PLEKHA7: variants seen among roughly 807,000 people sequenced by gnomAD.
PLEKHA7 encodes pleckstrin homology domain containing A7, also known as pleckstrin homology domain-containing family A member 7.
PLEKHA7 carries 104 observed loss-of-function variants against 170.0 expected under a neutral mutation model. The observed-to-expected ratio is 0.61, with a 90% CI of 0.52 to 0.72. The LOEUF (loss-of-function observed/expected upper bound fraction) is 0.72, where lower values mean the gene tolerates loss of function less well. PLEKHA7 is among the 30% of genes least tolerant of loss of function. The pLI, the probability that PLEKHA7 is intolerant of heterozygous loss-of-function variation, is 0.00. For missense variants in PLEKHA7, 1,615 were observed against 1,671.7 expected, an observed-to-expected ratio of 0.97 and a Z score of 0.59; for synonymous variants, 648 against 660.8, an observed-to-expected ratio of 0.98 and a Z score of 0.30.
chr11:16,845,644 G>A (rs1852335071), intron 8 of PLEKHA7, among the ~76,000 whole-genome samples: 1 of 152,202 alleles, frequency 6.6e-6, no homozygotes, highest in South Asian at 2.1e-4. Flanking sequence ...TGAAATTACA[G>A]GCATGAGCCA....
At chr11:16,891,977 T>G (rs1299954849) in intron 3 of PLEKHA7, among the ~76,000 whole-genome samples, 2 of 152,126 alleles carry the variant, frequency 1.3e-5, no homozygotes, top group Non-Finnish European at 2.9e-5. Context: ...GTGGGTGGAG[T>G]CACTGGGAGG....
chr11:16,824,970 A>C (rs1461875432), intron 10 of PLEKHA7, among the ~76,000 whole-genome samples: 1 of 152,208 alleles, frequency 6.6e-6, no homozygotes, highest in Non-Finnish European at 1.5e-5. Context: ...AAGACACAAA[A>C]TGTGAACAAA....
chr11:16,861,856 G>A (rs757031071), intron 4 of PLEKHA7, among the ~76,000 whole-genome samples: 6 of 152,164 alleles, frequency 3.9e-5, no homozygotes, highest in Non-Finnish European at 7.3e-5. Flanking sequence ...AAAAGTAAAT[G>A]AGAAGAGGAC....
chr11:16,786,168 T>C (rs1849378055), intron 24 of PLEKHA7, 61 bp downstream of exon 24: 13 of 1,518,888 alleles, frequency 8.6e-6, no homozygotes, highest in Non-Finnish European at 1.1e-5. Flanking sequence ...GGAAGGTGGA[T>C]CAGGCTGGGA....
At chr11:17,010,048 A>G (rs181945460) in intron 3 of PLEKHA7, among the ~76,000 whole-genome samples, 205 of 152,324 alleles carry the variant, frequency 1.3e-3, no homozygotes, top group Middle Eastern at 6.8e-3. Context: ...TGCAGAAATC[A>G]AAACAAAAAT....
intron 17 of PLEKHA7, among the ~76,000 whole-genome samples, chr11:16,798,550 T>C (rs1484686866): frequency 6.6e-6 from 1 of 152,086 alleles, no homozygotes; most frequent in East Asian, 1.9e-4. Context: ...TGGCCAATAA[T>C]CATACGAATA....
chr11:16,911,731 A>G (rs901969093), intron 3 of PLEKHA7, among the ~76,000 whole-genome samples: 38 of 152,066 alleles, frequency 2.5e-4, no homozygotes, highest in African/African-American at 7.2e-4. Flanking sequence ...CTGAAAAGCC[A>G]TCCTCAATTC....
chr11:16,940,491 G>A lies in PLEKHA7; in HGVS notation c.222-69309C>T, dbSNP rs183095489. The stretch of plus-strand genomic sequence containing the variant: ...TTTTAGTACAGACGGGGTTCCACCA[G>A]ATTGGCTGCTGGTCTTGAACTCCTG... On this transcript the variant is annotated intron_variant, in intron 3 of 26. Coordinates refer to ENST00000531066, the MANE Select transcript of PLEKHA7 (RefSeq NM_001329630.2). Among the ~76,000 whole-genome samples, 12 of 151,852 alleles carry A rather than the reference G, an allele frequency of 7.9e-5. No individual in the cohort carries two copies. The East Asian group carries it at 2.3e-3, about 30-fold the overall frequency.
At chr11:16,856,948 A>G (rs1432154542) in intron 4 of PLEKHA7, among the ~76,000 whole-genome samples, 1 of 152,166 alleles carries the variant, frequency 6.6e-6, no homozygotes, top group Non-Finnish European at 1.5e-5. Context: ...AGTGGAGAAA[A>G]TCTGCTTTGG....
chr11:16,869,053 C>A (rs564572358), intron 4 of PLEKHA7, among the ~76,000 whole-genome samples: 1 of 152,314 alleles, frequency 6.6e-6, no homozygotes, highest in Admixed American at 6.5e-5. Context: ...GAGGACTGAA[C>A]TCAATAACCT....
chr11:16,792,931 G>C (rs774039153), intron 19 of PLEKHA7, among the ~76,000 whole-genome samples: 2 of 152,072 alleles, frequency 1.3e-5, no homozygotes, highest in African/African-American at 4.8e-5. Context: ...GCAGCACCAC[G>C]CCCATCTTAT....
chr11:16,946,217 A>G (rs1196049323), intron 3 of PLEKHA7, among the ~76,000 whole-genome samples: 1 of 152,136 alleles, frequency 6.6e-6, no homozygotes. Flanking sequence ...TGGCCAGGAG[A>G]GATGGCGTCC....
intron 17 of PLEKHA7, among the ~76,000 whole-genome samples, chr11:16,796,359 C>T (rs1848229891): frequency 6.6e-6 from 1 of 152,168 alleles, no homozygotes; most frequent in Non-Finnish European, 1.5e-5. Context: ...CTGATGCATG[C>T]TACAACAAGG....
rs529480643 is a variant in PLEKHA7, at chr11:16,785,098, TC to T, written c.3516+1130del. On this transcript the variant is annotated intron_variant, in intron 24 of 26. Transcript: ENST00000531066. ...AACAACTGTACAGGCATCTATCTTA[TC>T]CACACACTGTTCCTTTGTTCCCAAA... Among the ~76,000 whole-genome samples, 26 of 152,280 alleles carry T rather than the reference TC, an allele frequency of 1.7e-4. No individual in the cohort carries two copies. In the South Asian group the frequency reaches 5.2e-3, roughly 30 times the overall value.
chr11:16,815,819 G>T (rs1457088978), intron 12 of PLEKHA7, among the ~76,000 whole-genome samples: 3 of 152,154 alleles, frequency 2.0e-5, no homozygotes, highest in Admixed American at 2.0e-4. Flanking sequence ...CCTGGTCTCA[G>T]ACTCGAGCTT....
intron 9 of PLEKHA7, among the ~76,000 whole-genome samples, chr11:16,828,434 C>T (rs1289284280): frequency 6.6e-6 from 1 of 152,156 alleles, no homozygotes; most frequent in Non-Finnish European, 1.5e-5. Context: ...AACTGTGAGT[C>T]AATTAAACCT....
At chr11:16,904,006 A>C (rs61882040) in intron 3 of PLEKHA7, among the ~76,000 whole-genome samples, 2,379 of 152,326 alleles carry the variant, frequency 0.016, 24 homozygotes, top group Non-Finnish European at 0.023. Flanking sequence ...CAATTCTGCA[A>C]ATCACTATCT....
intron 3 of PLEKHA7, among the ~76,000 whole-genome samples, chr11:16,913,778 G>T (rs1356958775): frequency 6.6e-6 from 1 of 152,182 alleles, no homozygotes; most frequent in African/African-American, 2.4e-5. Flanking sequence ...TGTGCACAAT[G>T]GTCAGAAGCA....
intron 3 of PLEKHA7, among the ~76,000 whole-genome samples, chr11:16,900,210 C>T (rs1162526392): frequency 1.3e-5 from 2 of 152,222 alleles, no homozygotes; most frequent in Non-Finnish European, 2.9e-5. Context: ...AAGGCTCTCA[C>T]AGGCTGTAAA....
Sources: allele counts gnomAD v4.1 joint callset (sites outside exome capture counted in the v4.1 genomes callset), GRCh38; gene constraint gnomAD v4.1.1; transcripts MANE v1.5; gene names NCBI Gene and HGNC (gene_info 2026-07-23, HGNC 2026-07-21).